RERE: variants seen among roughly 807,000 people sequenced by gnomAD.
RERE encodes arginine-glutamic acid dipeptide repeats protein.
RERE carries 40 observed loss-of-function variants against 146.1 expected under a neutral mutation model. The ratio of observed to expected loss-of-function variants is 0.27; its 90% confidence interval spans 0.21 to 0.36. The LOEUF is 0.36. Ranked by LOEUF, RERE falls within the 10% of genes least tolerant of loss-of-function variation. The pLI is 1.00. For synonymous variants in RERE, 1,003 were observed against 866.0 expected (o/e 1.16, Z -2.78); for missense variants, 1,933 against 2,138.7 (o/e 0.90, Z 1.90).
chr1:8,447,123 GTTT>G lies in RERE; in HGVS notation c.1203+18799_1203+18801del, dbSNP rs559225761. ...GTATGCTTCACAAAGTTCTCCTGCT[GTTT>G]TTTTTTTCAGCTCCATCAGATCATT... On this transcript the variant is annotated intron_variant, in intron 11 of 22. Coordinates refer to ENST00000400908, the MANE Select transcript of RERE (RefSeq NM_001042681.2). Among the ~76,000 whole-genome samples, 5 of 143,524 alleles carry G rather than the reference GTTT, an allele frequency of 3.5e-5. No homozygotes were observed. The East Asian group carries it at 1.0e-3, about 29-fold the overall frequency. 94.2% of individuals were successfully genotyped at this position (143,524 alleles called of 152,430 possible).
At chr1:8,487,279 C>T (rs970760493) in intron 10 of RERE, among the ~76,000 whole-genome samples, 2 of 152,056 alleles carry the variant, frequency 1.3e-5, no homozygotes, top group African/African-American at 2.4e-5. Context: ...ATCATTCTAA[C>T]TTGATTAAAA....
intron 12 of RERE, among the ~76,000 whole-genome samples, chr1:8,373,962 A>G (rs1642139482): frequency 6.6e-6 from 1 of 152,198 alleles, no homozygotes; most frequent in African/African-American, 2.4e-5. Context: ...CGAATCCTCT[A>G]ATCCCTAAAG....
rs767798002 is a variant in RERE, at chr1:8,359,832, G to A, written c.3550C>T (p.Arg1184Trp). The change falls in exon 19 of 23, where the codon CGG becomes TGG. Residue 1184 changes from arginine (R) to tryptophan (W), a missense_variant. Coordinates refer to ENST00000400908, the MANE Select transcript of RERE (RefSeq NM_001042681.2). ...CGCTCCTTCTCCTTCTCCTTCTCCC[G>A]CTCTCGCTCCTCTCGGGCTTTCTGC... ...AEQKAREEREREKEKEKERER... is the reference protein window; with the variant it reads ...AEQKAREEREWEKEKEKERER... 11 of 1,607,528 alleles carry A rather than the reference G, an allele frequency of 6.8e-6. No individual in the cohort carries two copies. Among genetic ancestry groups the A allele is most frequent in the South Asian group, 1.1e-5 (1 of 91,030 alleles).
chr1:8,524,097 A>T (rs1450568490), intron 7 of RERE, among the ~76,000 whole-genome samples: 1 of 152,196 alleles, frequency 6.6e-6, no homozygotes, highest in African/African-American at 2.4e-5. Context: ...AGCAGGAAGG[A>T]AGAGCAATGG....
chr1:8,779,431 G>A (rs1037403076), intron 1 of RERE, among the ~76,000 whole-genome samples: 1 of 151,984 alleles, frequency 6.6e-6, no homozygotes, highest in African/African-American at 2.4e-5. Context: ...GGGAGGCAAG[G>A]TGGGTGGATC....
In RERE at chr1:8,360,411, G is replaced by C; in HGVS notation, c.3096C>G (p.Pro1032=). 7.2e-7 allele frequency: 1 copy of C among 1,385,280 alleles called. No homozygotes were observed. Among genetic ancestry groups the C allele is most frequent in the Non-Finnish European group, 9.4e-7 (1 of 1,068,722 alleles). The allele number at this position is 1,385,280 out of a possible 1,614,324, so 85.8% of individuals were successfully genotyped here. A position where few individuals can be genotyped will look rare whatever the true frequency, so the allele number is the denominator to read the frequency against. Residue 1032 remains proline (P), a synonymous_variant, in exon 18 of 23, where the codon CCC becomes CCG. Transcript: ENST00000400908. The part of the protein sequence containing the change: ...PTGLHQVAPQ[P]PFAQHPFVPG... Reference sequence around the variant, plus strand: ...GGACAAAGGGGTGCTGAGCAAACGGGGGTTGGGGGGCCACCTGGTGGAGGC... The same window carrying C: ...GGACAAAGGGGTGCTGAGCAAACGGCGGTTGGGGGGCCACCTGGTGGAGGC...
intron 6 of RERE, among the ~76,000 whole-genome samples, chr1:8,548,328 C>T (rs1192293478): frequency 6.6e-6 from 1 of 152,128 alleles, no homozygotes; most frequent in African/African-American, 2.4e-5. Flanking sequence ...AGAACCACAG[C>T]AATAGTCCAC....
chr1:8,808,183 A>G (rs1386175729), intron 1 of RERE, among the ~76,000 whole-genome samples: 3 of 150,898 alleles, frequency 2.0e-5, no homozygotes, highest in African/African-American at 7.4e-5. Flanking sequence ...TCCTTCAGGA[A>G]GCTAAGCCAT....
intron 1 of RERE, chr1:8,750,414 T>C: frequency 1.3e-6 from 1 of 758,006 alleles, no homozygotes; most frequent in African/African-American, 1.7e-5. Context: ...CAGTAGCCTC[T>C]TTTTCCGGCT....
chr1:8,686,992 A>C (rs2124409067), intron 1 of RERE, among the ~76,000 whole-genome samples: 1 of 152,346 alleles, frequency 6.6e-6, no homozygotes, highest in East Asian at 1.9e-4. Flanking sequence ...GGATGGATTT[A>C]AGAGGAAAGG....
chr1:8,627,726 C>T (rs1376481577), intron 2 of RERE, among the ~76,000 whole-genome samples: 2 of 152,080 alleles, frequency 1.3e-5, no homozygotes, highest in Non-Finnish European at 2.9e-5. Context: ...CATTACTACA[C>T]ACCATCTTAC....
intron 1 of RERE, among the ~76,000 whole-genome samples, chr1:8,816,496 C>T (rs1641915232): frequency 6.6e-6 from 1 of 152,190 alleles, no homozygotes; most frequent in African/African-American, 2.4e-5. Context: ...TCTCAAGCAA[C>T]CAGTTTCAAA....
chr1:8,606,320 G>A (rs1646707752), intron 4 of RERE, among the ~76,000 whole-genome samples: 1 of 151,878 alleles, frequency 6.6e-6, no homozygotes, highest in Non-Finnish European at 1.5e-5. Flanking sequence ...AAAAATTCAA[G>A]ACAGATTCTA....
At chr1:8,455,904 A>G (rs1644447753) in intron 11 of RERE, among the ~76,000 whole-genome samples, 1 of 152,198 alleles carries the variant, frequency 6.6e-6, no homozygotes, top group East Asian at 1.9e-4. Flanking sequence ...TCCTCATTCT[A>G]AAGTGCCTCG....
At chr1:8,585,367 T>C (rs963878219) in intron 4 of RERE, among the ~76,000 whole-genome samples, 5 of 152,158 alleles carry the variant, frequency 3.3e-5, no homozygotes, top group African/African-American at 1.2e-4. Context: ...ACTCCAATTA[T>C]AGATATTTTA....
intron 4 of RERE, among the ~76,000 whole-genome samples, chr1:8,559,705 T>C (rs1007113847): frequency 7.2e-5 from 11 of 152,294 alleles, no homozygotes; most frequent in Non-Finnish European, 1.5e-4. Flanking sequence ...GAAATAAAGA[T>C]AGACAAACTA....
intron 4 of RERE, among the ~76,000 whole-genome samples, chr1:8,575,558 TA>T (rs60419367): frequency 0.13 from 8,011 of 63,172 alleles, 286 homozygotes; most frequent in African/African-American, 0.17. Flanking sequence ...TATATATATA[TA>T]TATTTTTTTT....
chr1:8,468,452 G>A (rs1457221465), intron 10 of RERE, among the ~76,000 whole-genome samples: 3 of 152,152 alleles, frequency 2.0e-5, no homozygotes, highest in African/African-American at 4.8e-5. Flanking sequence ...AGAATTACAT[G>A]CCTATTTAAT....
chr1:8,703,357 G>A (rs1223410913), intron 1 of RERE: 1 of 151,388 alleles, frequency 6.6e-6, no homozygotes, highest in Non-Finnish European at 1.5e-5. Flanking sequence ...CACTCAGCTC[G>A]CACTCCTTCA....
Sources: gnomAD v4.1 joint callset for allele counts (sites outside exome capture counted in the v4.1 genomes callset) on GRCh38, gnomAD v4.1.1 for gene constraint, MANE v1.5 for transcripts, NCBI Gene and HGNC (gene_info 2026-07-23, HGNC 2026-07-21) for gene names.